Variants in SMAD3 observed in about 807,000 individuals in gnomAD.
SMAD3 encodes the protein MAD homolog 3.
In SMAD3, 12 loss-of-function variants were observed where a neutral mutation model predicts 51.8. That is an observed-to-expected ratio of 0.23 (90% CI 0.15 to 0.38). SMAD3 has a LOEUF of 0.38. SMAD3 is among the 10% of genes least tolerant of loss of function. The pLI is 1.00. For synonymous variants in SMAD3, 238 were observed against 227.7 expected (o/e 1.05, Z -0.41); for missense variants, 294 against 565.6 (o/e 0.52, Z 4.87).
chr15:67,173,166 C>T (rs1470884512), intron 5 of SMAD3, among the ~76,000 whole-genome samples: 1 of 152,134 alleles, frequency 6.6e-6, no homozygotes, highest in East Asian at 1.9e-4. Context: ...CCTCTGTATC[C>T]ATGCGCTCAG....
intron 1 of SMAD3, among the ~76,000 whole-genome samples, chr15:67,084,513 T>C (rs1442850420): frequency 1.3e-5 from 2 of 152,220 alleles, no homozygotes; most frequent in Non-Finnish European, 2.9e-5. Flanking sequence ...AGGGGAACCA[T>C]TCCTTAATGA....
chr15:67,175,885 G>A (rs1260077602), intron 5 of SMAD3, among the ~76,000 whole-genome samples: 1 of 151,990 alleles, frequency 6.6e-6, no homozygotes, highest in African/African-American at 2.4e-5. Context: ...CTCTGGCTCC[G>A]GTCTTCCCCA....
intron 1 of SMAD3, among the ~76,000 whole-genome samples, chr15:67,119,628 A>G (rs1961214115): frequency 6.6e-6 from 1 of 152,160 alleles, no homozygotes; most frequent in African/African-American, 2.4e-5. Flanking sequence ...TAAAATTCAG[A>G]CCCGCACACA....
intron 1 of SMAD3, among the ~76,000 whole-genome samples, chr15:67,101,756 C>T (rs1289081603): frequency 6.6e-6 from 1 of 152,220 alleles, no homozygotes; most frequent in Non-Finnish European, 1.5e-5. Context: ...TGTTCACATT[C>T]AGAGTCCTCA....
At chr15:67,141,221 A>G (rs1393140163) in intron 1 of SMAD3, among the ~76,000 whole-genome samples, 1 of 152,180 alleles carries the variant, frequency 6.6e-6, no homozygotes, top group Admixed American at 6.5e-5. Flanking sequence ...GCTTCGATTG[A>G]TCATTTGCAC....
At chr15:67,110,851 G>A (rs2140233729) in intron 1 of SMAD3, among the ~76,000 whole-genome samples, 2 of 152,306 alleles carry the variant, frequency 1.3e-5, no homozygotes, top group Middle Eastern at 3.4e-3. Context: ...AAGTTCCAGT[G>A]TACCCCTGAC....
At chr15:67,166,419 G>C in intron 3 of SMAD3, 1 of 421,692 alleles carries the variant, frequency 2.4e-6, no homozygotes. Flanking sequence ...GATCTTCAGA[G>C]GACAGAAAGG....
chr15:67,066,122 G>C lies in SMAD3; in HGVS notation c.-33G>C. 1 of 1,540,516 alleles carries C rather than the reference G, an allele frequency of 6.5e-7. No individual in the cohort carries two copies. Among genetic ancestry groups the C allele is most frequent in the Non-Finnish European group, 8.8e-7 (1 of 1,139,322 alleles). The stretch of plus-strand genomic sequence containing the variant: ...CCCGTCGAGCCCAGCCCCGCCGGGG[G>C]CGCTCCTCGCCGCCCGCGCGCCCTC... On this transcript the variant is annotated 5_prime_UTR_variant, in exon 1 of 9. Transcript: ENST00000327367.
chr15:67,153,775 A>G (rs1187055377), intron 1 of SMAD3, among the ~76,000 whole-genome samples: 1 of 152,176 alleles, frequency 6.6e-6, no homozygotes, highest in Non-Finnish European at 1.5e-5. Context: ...CAGTAGTGCC[A>G]ACGTTGAGAA....
intron 1 of SMAD3, among the ~76,000 whole-genome samples, chr15:67,121,271 C>T (rs1191852227): frequency 1.3e-5 from 2 of 152,194 alleles, no homozygotes; most frequent in Non-Finnish European, 2.9e-5. Flanking sequence ...TCCTCGTTTC[C>T]TGTTGGGCTG....
At chr15:67,165,484 C>A in intron 3 of SMAD3, 100 bp downstream of exon 3, 1 of 1,401,970 alleles carries the variant, frequency 7.1e-7, no homozygotes, top group East Asian at 2.3e-5. Context: ...GGCCGTCCCC[C>A]GCTCACCCCC....
intron 1 of SMAD3, among the ~76,000 whole-genome samples, chr15:67,101,825 C>G (rs1281198800): frequency 1.3e-5 from 2 of 152,192 alleles, no homozygotes; most frequent in Admixed American, 1.3e-4. Context: ...GTGTAAGCAT[C>G]TGCATGAGAT....
At chr15:67,126,008 G>A (rs1961377244) in intron 1 of SMAD3, 8 of 983,670 alleles carry the variant, frequency 8.1e-6, no homozygotes, top group Non-Finnish European at 8.5e-6. Flanking sequence ...TATTTGGCAG[G>A]GTGGGTTAGG....
chr15:67,116,367 C>T (rs1961135294), intron 1 of SMAD3, among the ~76,000 whole-genome samples: 1 of 152,222 alleles, frequency 6.6e-6, no homozygotes, highest in Admixed American at 6.5e-5. Flanking sequence ...TCCTACCAGG[C>T]CTTCAAGGCT....
chr15:67,137,145 T>C (rs926874643), intron 1 of SMAD3, among the ~76,000 whole-genome samples: 8 of 152,154 alleles, frequency 5.3e-5, no homozygotes, highest in African/African-American at 1.9e-4. Context: ...GCGTTTGTGG[T>C]TTTTGCCAAG....
intron 1 of SMAD3, among the ~76,000 whole-genome samples, chr15:67,113,754 TC>T (rs1347603974): frequency 6.6e-6 from 1 of 152,190 alleles, no homozygotes; most frequent in Non-Finnish European, 1.5e-5. Flanking sequence ...CTCCCATAGA[TC>T]CTAGGAACCT....
At chr15:67,138,081 A>G in intron 1 of SMAD3, 2 of 1,551,758 alleles carry the variant, frequency 1.3e-6, no homozygotes, top group Non-Finnish European at 1.7e-6. Flanking sequence ...GGTACACCGG[A>G]AAGCATGGTG....
intron 1 of SMAD3, among the ~76,000 whole-genome samples, chr15:67,108,822 G>A (rs539701407): frequency 3.3e-5 from 5 of 152,146 alleles, no homozygotes; most frequent in African/African-American, 9.6e-5. Flanking sequence ...TGACTTAGTA[G>A]ATTGAAAATG....
intron 6 of SMAD3, 108 bp downstream of exon 6, chr15:67,181,561 C>A: frequency 2.1e-6 from 2 of 947,832 alleles, no homozygotes; most frequent in Non-Finnish European, 1.6e-6. Flanking sequence ...TTGCGTCCAT[C>A]CTTAGCTGTG....
Sources: allele counts gnomAD v4.1 joint callset (sites outside exome capture counted in the v4.1 genomes callset), GRCh38; gene constraint gnomAD v4.1.1; transcripts MANE v1.5; gene names NCBI Gene and HGNC (gene_info 2026-07-23, HGNC 2026-07-21).